The following ATP2B4 variants were observed in gnomAD, a reference collection of about 807,000 sequenced individuals.
ATP2B4 encodes plasma membrane calcium-transporting ATPase 4.
ATP2B4 carries 39 observed loss-of-function variants against 110.3 expected under a neutral mutation model. The observed-to-expected ratio is 0.35, with a 90% CI of 0.27 to 0.46. The LOEUF (loss-of-function observed/expected upper bound fraction) is 0.46. Among genes scored for constraint, ATP2B4 ranks in the 20% least tolerant of loss-of-function variants. The pLI is 1.00. For synonymous variants in ATP2B4, 538 were observed against 571.7 expected (o/e 0.94, Z 0.84); for missense variants, 1,135 against 1,530.9 (o/e 0.74, Z 4.32).
chr1:203,666,964 C>T (rs1571699609), intron 1 of ATP2B4, among the ~76,000 whole-genome samples: 1 of 152,072 alleles, frequency 6.6e-6, no homozygotes, highest in African/African-American at 2.4e-5. Flanking sequence ...TGTTTTGTTT[C>T]GTTTTAAGAT....
intron 1 of ATP2B4, among the ~76,000 whole-genome samples, chr1:203,676,329 G>C (rs1331626142): frequency 6.6e-6 from 1 of 152,162 alleles, no homozygotes; most frequent in Non-Finnish European, 1.5e-5. Context: ...CCGGGATTGT[G>C]ATGAGGATGG....
intron 1 of ATP2B4, among the ~76,000 whole-genome samples, chr1:203,666,318 A>C (rs1664501844): frequency 1.3e-4 from 1 of 7,872 alleles, no homozygotes; most frequent in South Asian, 0.071. Flanking sequence ...TTGGTTTCTT[A>C]CAATGTTCTC....
intron 1 of ATP2B4, among the ~76,000 whole-genome samples, chr1:203,667,375 G>T (rs1009832829): frequency 6.6e-6 from 1 of 152,182 alleles, no homozygotes; most frequent in Non-Finnish European, 1.5e-5. Flanking sequence ...GTTCCCTGTA[G>T]GTTCTAGGGA....
At chr1:203,725,052 A>G (rs1225319756) in intron 19 of ATP2B4, among the ~76,000 whole-genome samples, 2 of 141,124 alleles carry the variant, frequency 1.4e-5, no homozygotes, top group African/African-American at 2.7e-5. Context: ...TAATTTTTGT[A>G]TTTTTACTAG....
chr1:203,634,033 A>G (rs1006281114), intron 1 of ATP2B4, among the ~76,000 whole-genome samples: 18 of 152,180 alleles, frequency 1.2e-4, no homozygotes, highest in Non-Finnish European at 2.1e-4. Flanking sequence ...CTGGGCAAGA[A>G]GAGTGAAACT....
At chr1:203,632,279 GAAAA>G (rs955003250) in intron 1 of ATP2B4, among the ~76,000 whole-genome samples, 1 of 150,932 alleles carries the variant, frequency 6.6e-6, no homozygotes, top group African/African-American at 2.4e-5. Context: ...ATTATTAAGT[GAAAA>G]AACCAAGACA....
intron 20 of ATP2B4, among the ~76,000 whole-genome samples, chr1:203,735,739 A>G (rs1291488871): frequency 1.3e-5 from 2 of 152,188 alleles, no homozygotes; most frequent in African/African-American, 2.4e-5. Flanking sequence ...CTCTCCCACC[A>G]GTTCTTTCAT....
chr1:203,677,598 G>C (rs1334382247), intron 1 of ATP2B4, among the ~76,000 whole-genome samples: 2 of 152,202 alleles, frequency 1.3e-5, no homozygotes, highest in African/African-American at 4.8e-5. Context: ...AAGTAGTTGG[G>C]ATTACAGGCA....
rs746924685 is a variant in ATP2B4 at position 203,739,649 on chromosome 1, T to C, written c.3413T>C (p.Ile1138Thr). Residue 1138 changes from isoleucine to threonine, a missense_variant, in exon 21 of 21, where the codon ATA (isoleucine) becomes ACA (threonine). Physicochemically the swap from Ile to Thr is moderately conservative, Grantham distance 89. This residue lies in a region of ATP2B4 where 92 missense variants were observed against 82.5 expected (regional missense o/e 1.11). Transcript: ENST00000357681. ...TTCATGACCCACCCTGAATTCGCCA[T>C]AGAGGAGGAGTTGCCACGAACACCA... ...HSFMTHPEFA[I>T]EEELPRTPLL... 4 of 1,614,066 alleles carry C rather than the reference T, an allele frequency of 2.5e-6. No individual in the cohort carries two copies. The South Asian group carries it at 4.4e-5, about 18-fold the overall frequency.
intron 2 of ATP2B4, among the ~76,000 whole-genome samples, chr1:203,687,926 C>G (rs572849180): frequency 1.3e-5 from 2 of 151,930 alleles, no homozygotes; most frequent in South Asian, 4.2e-4. Context: ...TATTCCATCC[C>G]ATTCTACCTG....
intron 1 of ATP2B4, among the ~76,000 whole-genome samples, chr1:203,633,495 G>A (rs1192334817): frequency 6.6e-6 from 1 of 152,150 alleles, no homozygotes; most frequent in Non-Finnish European, 1.5e-5. Flanking sequence ...TGGGCGCAGT[G>A]GCTCATACCT....
Position 203,703,698 on chromosome 1 carries a change from C to T in ATP2B4, c.984C>T (p.Ser328=), listed in dbSNP as rs1665762452. The T allele has an allele frequency of 6.2e-7, 1 of 1,614,102 alleles. No individual in the cohort carries two copies. Among genetic ancestry groups the T allele is most frequent in the East Asian group, 2.2e-5 (1 of 44,876 alleles). The change falls in exon 8 of 21, where the codon AGC becomes AGT. Residue 328 remains serine, a synonymous_variant. Coordinates refer to ENST00000357681, the MANE Select transcript of ATP2B4 (RefSeq NM_001684.5). ...CCCTGGAAATCCAGCCACTCAACAG[C>T]CAGGAGGGAATCGACAATGAGGAAA... ...GVALEIQPLN[S]QEGIDNEEKD...
At chr1:203,650,500 G>A (rs1012317696) in intron 1 of ATP2B4, among the ~76,000 whole-genome samples, 1 of 152,222 alleles carries the variant, frequency 6.6e-6, no homozygotes, top group Non-Finnish European at 1.5e-5. Flanking sequence ...GGGCTTCTGT[G>A]CTGAGCCAGG....
At chr1:203,715,045 C>T (rs530505102) in intron 15 of ATP2B4, among the ~76,000 whole-genome samples, 5 of 152,100 alleles carry the variant, frequency 3.3e-5, no homozygotes, top group Non-Finnish European at 7.4e-5. Flanking sequence ...GTGATTCCCC[C>T]CCATTTACAT....
rs1666995834 is a variant in ATP2B4 at position 203,741,500 on chromosome 1, C to G, written c.*1646C>G. ...TAGGGGCCAGTTCATGTCCCTGACT[C>G]TCACCTCCCATTAGATAAATGAAGC... On this transcript the variant is annotated 3_prime_UTR_variant, in exon 21 of 21. Coordinates refer to ENST00000357681, the MANE Select transcript of ATP2B4 (RefSeq NM_001684.5). The G allele has an allele frequency of 6.6e-6, 1 of 152,418 alleles. No individual in the cohort carries two copies. Among genetic ancestry groups the G allele is most frequent in the East Asian group, 1.9e-4 (1 of 5,188 alleles). 9.4% of individuals were successfully genotyped at this position (152,418 alleles called of 1,614,324 possible).
Position 203,700,788 on chromosome 1 carries a change from T to C in ATP2B4, c.776-10T>C. Reference sequence around the variant, plus strand: ...ACCCATTCCTTCCCATCTTCTCCTTTCCCGTGTAGGGACCCATGTCATGGA... The same window carrying C: ...ACCCATTCCTTCCCATCTTCTCCTTCCCCGTGTAGGGACCCATGTCATGGA... On this transcript the variant is annotated splice_polypyrimidine_tract_variant and intron_variant, in intron 5 of 20. Coordinates refer to ENST00000357681, the MANE Select transcript of ATP2B4 (RefSeq NM_001684.5). The C allele has an allele frequency of 6.2e-7, 1 of 1,612,882 alleles. No homozygotes were observed. Among genetic ancestry groups the C allele is most frequent in the Non-Finnish European group, 8.5e-7 (1 of 1,179,296 alleles).
chr1:203,631,521 C>T (rs1327627267), intron 1 of ATP2B4, among the ~76,000 whole-genome samples: 3 of 152,142 alleles, frequency 2.0e-5, no homozygotes, highest in Non-Finnish European at 4.4e-5. Context: ...CTTAGAACAC[C>T]TCATGGCAAG....
chr1:203,657,750 T>C, intron 1 of ATP2B4: 3 of 691,400 alleles, frequency 4.3e-6, no homozygotes, highest in Non-Finnish European at 5.2e-6. Context: ...AATATATTCG[T>C]TCTGTGGCAT....
intron 1 of ATP2B4, among the ~76,000 whole-genome samples, chr1:203,633,035 C>A (rs920043515): frequency 6.6e-6 from 1 of 152,082 alleles, no homozygotes; most frequent in Non-Finnish European, 1.5e-5. Flanking sequence ...AGGAACAGTG[C>A]TCCTTGAAAA....
Sources: allele counts gnomAD v4.1 joint callset (sites outside exome capture counted in the v4.1 genomes callset), GRCh38; gene constraint gnomAD v4.1.1; regional missense constraint gnomAD v4.1.1; transcripts MANE v1.5; gene names NCBI Gene and HGNC (gene_info 2026-07-23, HGNC 2026-07-21).